CELSR1: variants seen among roughly 807,000 people sequenced by gnomAD.
CELSR1 encodes adhesion G protein-coupled receptor C1.
A neutral mutation model predicts 249.1 loss-of-function variants in CELSR1; 110 were observed. That is an observed-to-expected ratio of 0.44 (90% CI 0.38 to 0.52). The LOEUF (loss-of-function observed/expected upper bound fraction) is 0.52, where lower values mean the gene tolerates loss of function less well. CELSR1 is among the 20% of genes least tolerant of loss of function. The pLI is 0.00. For synonymous variants in CELSR1, 2,113 were observed against 1,900.0 expected, an observed-to-expected ratio of 1.11 and a Z score of -2.92; for missense variants, 4,109 against 4,296.4, an observed-to-expected ratio of 0.96 and a Z score of 1.22.
rs1367883600 is a variant in CELSR1 at position 46,490,084 on chromosome 22, C to G, written c.3545-25739G>C. Among the ~76,000 whole-genome samples, 2 of 152,174 alleles carry G rather than the reference C, an allele frequency of 1.3e-5. No homozygotes were observed. The highest frequency in any genetic ancestry group is 2.9e-5 in the Non-Finnish European group (2 of 68,042). ...AGGGCTGCACAGAGACCCAGTGAGC[C>G]GCTTTCTGAGAACCAACGTTCCCAA... On this transcript the variant is annotated intron_variant, in intron 1 of 34. Coordinates refer to ENST00000674500, the MANE Select transcript of CELSR1 (RefSeq NM_001378328.1). The surrounding 1 kb of genome is among the most constrained non-coding windows in gnomAD (Gnocchi z 5.2).
At chr22:46,443,968 G>A (rs1475995610) in intron 2 of CELSR1, among the ~76,000 whole-genome samples, 13 of 152,228 alleles carry the variant, frequency 8.5e-5, no homozygotes, top group East Asian at 1.9e-4. Context: ...CAAAGCCACC[G>A]GGAGAGGCTG....
rs572342122 is a variant in CELSR1, at chr22:46,415,147, G to T, written c.4612-3388C>A. Among the ~76,000 whole-genome samples, 37 of 152,218 alleles carry T rather than the reference G, an allele frequency of 2.4e-4. 1 individual carries two copies. In the South Asian group the frequency reaches 7.3e-3, roughly 30 times the overall value. On this transcript the variant is annotated intron_variant, in intron 5 of 34. Transcript: ENST00000674500. Reference sequence around the variant, plus strand: ...TGGGGGGTGACTGCTAATGGTATGGGGTGATGAAAATACTTCTTTTGAGAT... The same window carrying T: ...TGGGGGGTGACTGCTAATGGTATGGTGTGATGAAAATACTTCTTTTGAGAT...
chr22:46,420,991 C>T (rs777432054), intron 5 of CELSR1, among the ~76,000 whole-genome samples: 8 of 152,138 alleles, frequency 5.3e-5, no homozygotes, highest in Non-Finnish European at 1.2e-4. Flanking sequence ...AGCGGATACA[C>T]GGGTGGGTGA....
intron 29 of CELSR1, 111 bp from the exon 30 acceptor site, chr22:46,366,591 C>A: frequency 2.3e-6 from 2 of 877,868 alleles, no homozygotes; most frequent in South Asian, 3.1e-5. Context: ...CCTGGCTGGG[C>A]CCCTGCCTGG....
Position 46,535,095 on chromosome 22 carries a change from G to A in CELSR1, c.2076C>T (p.Tyr692=), listed in dbSNP as rs529594359. 9.3e-6 allele frequency: 15 copies of A among 1,612,192 alleles called. No homozygotes were observed. Among genetic ancestry groups the A allele is most frequent in the African/African-American group, 2.7e-5 (2 of 75,046 alleles). ...DNDPVFTQPT[Y]ELRLNEDAAV... ...CCGCATCCTCATTCAGACGAAGCTC[G>A]TAGGTGGGCTGCGTGAACACCGGGT... is the stretch of plus-strand genomic sequence containing the variant. Residue 692 remains tyrosine (Y), a synonymous_variant, in exon 1 of 35, where the codon TAC becomes TAT. Coordinates refer to ENST00000674500, the MANE Select transcript of CELSR1 (RefSeq NM_001378328.1).
chr22:46,399,230 C>A lies in CELSR1; in HGVS notation c.5412+487G>T, dbSNP rs535349362. Among the ~76,000 whole-genome samples, 63 of 152,302 alleles carry A rather than the reference C, an allele frequency of 4.1e-4. No homozygotes were observed. In the South Asian group the frequency reaches 0.011, roughly 26 times the overall value. On this transcript the variant is annotated intron_variant, in intron 10 of 34. Coordinates refer to ENST00000674500, the MANE Select transcript of CELSR1 (RefSeq NM_001378328.1). This position sits in a 1 kb window ranked among gnomAD's most constrained non-coding sequence, Gnocchi z 5.0. ...ACCTAGTTTGGTTAAGTGTTCCGAA[C>A]ATTGTCTGGGATACCACCACCTGCC...
rs1183097714 is a variant in CELSR1 at position 46,512,284 on chromosome 22, A to G, written c.3544+21343T>C. Among the ~76,000 whole-genome samples the G allele has an allele frequency of 2.0e-5, 3 of 151,860 alleles. No individual in the cohort carries two copies. The highest frequency in any genetic ancestry group is 7.3e-5 in the African/African-American group (3 of 41,120). On this transcript the variant is annotated intron_variant, in intron 1 of 34. Coordinates refer to ENST00000674500, the MANE Select transcript of CELSR1 (RefSeq NM_001378328.1). The surrounding 1 kb of genome is among the most constrained non-coding windows in gnomAD (Gnocchi z 5.2). ...GTGTCAGCCCCCAAATCAAGGTCCAATACTGGCCAGGTGCGGTGGCACATG... is the reference window on the plus strand; with the variant it reads ...GTGTCAGCCCCCAAATCAAGGTCCAGTACTGGCCAGGTGCGGTGGCACATG...
rs34550193 is a variant in CELSR1 at position 46,440,690 on chromosome 22, C to T, written c.4184-1279G>A. Among the ~76,000 whole-genome samples the T allele has an allele frequency of 0.067, 10,151 of 152,222 alleles. 442 individuals are homozygous for T. The highest frequency in any genetic ancestry group is 0.11 in the Middle Eastern group (33 of 294). Reference sequence around the variant, plus strand: ...TCCTGCTCTTATTGTGTTATAGAAGCTCCTCGTAAATTATGGAAGGAACTA... The same window carrying T: ...TCCTGCTCTTATTGTGTTATAGAAGTTCCTCGTAAATTATGGAAGGAACTA... On this transcript the variant is annotated intron_variant, in intron 2 of 34. Coordinates refer to ENST00000674500, the MANE Select transcript of CELSR1 (RefSeq NM_001378328.1). The surrounding 1 kb of genome is among the most constrained non-coding windows in gnomAD (Gnocchi z 4.7).
intron 5 of CELSR1, among the ~76,000 whole-genome samples, chr22:46,424,808 A>G: frequency 6.6e-6 from 1 of 152,228 alleles, no homozygotes; most frequent in East Asian, 1.9e-4. Context: ...CCCCTTCTCT[A>G]CTAAAAATAC....
In CELSR1 at chr22:46,500,602, C is replaced by A. The variant is rs1329771275; in HGVS notation, c.3544+33025G>T. Among the ~76,000 whole-genome samples, 2 of 152,198 alleles carry A rather than the reference C, an allele frequency of 1.3e-5. No homozygotes were observed. The highest frequency in any genetic ancestry group is 2.9e-5 in the Non-Finnish European group (2 of 68,034). ...TGTCACAGAAGAACAGAGGCCCGAG[C>A]TAGCCCACACCTGTGTTTTTTGATC... On this transcript the variant is annotated intron_variant, in intron 1 of 34. Transcript: ENST00000674500. This position sits in a 1 kb window ranked among gnomAD's most constrained non-coding sequence, Gnocchi z 4.9.
chr22:46,487,150 T>G (rs1394299016), intron 1 of CELSR1, among the ~76,000 whole-genome samples: 1 of 152,130 alleles, frequency 6.6e-6, no homozygotes, highest in Non-Finnish European at 1.5e-5. Context: ...ATGGAAGAGC[T>G]GACGCTAATA....
At position 46,447,481 on chromosome 22, in the gene CELSR1, C is replaced by T. The variant is rs182475780; in HGVS notation, c.4184-8070G>A. On this transcript the variant is annotated intron_variant, in intron 2 of 34. Coordinates refer to ENST00000674500, the MANE Select transcript of CELSR1 (RefSeq NM_001378328.1). This position sits in a 1 kb window ranked among gnomAD's most constrained non-coding sequence, Gnocchi z 4.7. ...GAAATTCACCCATACTCTGCACACC[C>T]CCATCACCATGGCAGCCTCGCCTCC... Among the ~76,000 whole-genome samples, 20 of 152,198 alleles carry T rather than the reference C, an allele frequency of 1.3e-4. No homozygotes were observed. The highest frequency in any genetic ancestry group is 3.3e-4 in the Admixed American group (5 of 15,294).
At chr22:46,516,377 T>C (rs1239972122) in intron 1 of CELSR1, among the ~76,000 whole-genome samples, 1 of 151,978 alleles carries the variant, frequency 6.6e-6, no homozygotes, top group Non-Finnish European at 1.5e-5. Flanking sequence ...AAACACCGCA[T>C]GTTCTCACTC....
Position 46,473,643 on chromosome 22 carries a change from C to G in CELSR1, c.3545-9298G>C, listed in dbSNP as rs1258341884. On this transcript the variant is annotated intron_variant, in intron 1 of 34. Coordinates refer to ENST00000674500, the MANE Select transcript of CELSR1 (RefSeq NM_001378328.1). The surrounding 1 kb of genome is among the most constrained non-coding windows in gnomAD (Gnocchi z 6.6). ...GTCATTCCCCGTGGCCGGCTGTGAT[C>G]ACATCCACAGAGCGTTGCTTGCTGT... Among the ~76,000 whole-genome samples, 1 of 152,184 alleles carries G rather than the reference C, an allele frequency of 6.6e-6. No individual in the cohort carries two copies. The highest frequency in any genetic ancestry group is 1.9e-4 in the East Asian group (1 of 5,184).
Position 46,363,879 on chromosome 22 carries a change from G to T in CELSR1, c.9035+117C>A. ...CCCCATCCCCGCCTGGGCTTCCTCT[G>T]CACTCAGGGCTCCAGGTGAGGTGGG... On this transcript the variant is annotated intron_variant, in intron 34 of 34. Transcript: ENST00000674500. This position sits in a 1 kb window ranked among gnomAD's most constrained non-coding sequence, Gnocchi z 4.3. 1.5e-6 allele frequency: 2 copies of T among 1,347,128 alleles called. No homozygotes were observed. The highest frequency in any genetic ancestry group is 2.0e-6 in the Non-Finnish European group (2 of 1,020,954). The allele number at this position is 1,347,128 out of a possible 1,614,324, so 83.4% of individuals were successfully genotyped here. A position where few individuals can be genotyped will look rare whatever the true frequency, so the allele number is the denominator to read the frequency against.
At chr22:46,481,610 C>T (rs1315390089) in intron 1 of CELSR1, 3 of 714,654 alleles carry the variant, frequency 4.2e-6, no homozygotes, top group Non-Finnish European at 7.6e-6. Flanking sequence ...TCCGTGGAGG[C>T]CTGACTGTCC....
At position 46,382,019 on chromosome 22, in the gene CELSR1, C is replaced by G; in HGVS notation, c.6915G>C (p.Arg2305Ser). The change falls in exon 21 of 35, where the codon AGG (arginine) becomes AGC (serine). Residue 2305 changes from arginine to serine, a missense_variant. Arg to Ser is a moderately radical substitution (Grantham distance 110). Around this residue, in one of 7 missense-constraint regions of CELSR1, gnomAD observed 1,805 missense variants for 1,831.6 expected, o/e 0.99. Coordinates refer to ENST00000674500, the MANE Select transcript of CELSR1 (RefSeq NM_001378328.1). ...CCGGGCGCGTGGTCTGCGGGGTGGT[C>G]CTCCGGCCAGCCGGCCTCAGCAGGG... ...EGPLLRPAGR[R>S]TTPQTTRPGP... The G allele has an allele frequency of 6.4e-7, 1 of 1,554,448 alleles. No homozygotes were observed. The highest frequency in any genetic ancestry group is 8.7e-7 in the Non-Finnish European group (1 of 1,150,528).
rs1186138299 is a variant in CELSR1, at chr22:46,440,203, T to C, written c.4184-792A>G. 6.6e-6 allele frequency among the ~76,000 whole-genome samples: 1 copy of C among 152,106 alleles called. No homozygotes were observed. The highest frequency in any genetic ancestry group is 1.5e-5 in the Non-Finnish European group (1 of 68,014). On this transcript the variant is annotated intron_variant, in intron 2 of 34. Transcript: ENST00000674500. The surrounding 1 kb of genome is among the most constrained non-coding windows in gnomAD (Gnocchi z 4.7). ...ACCTCATCTGCTCGGAGGGTCTCAG[T>C]GTTCGCCATGCTTCGACCCAGTTGT...
chr22:46,404,017 G>C (rs1277859146), intron 9 of CELSR1, among the ~76,000 whole-genome samples: 5 of 145,556 alleles, frequency 3.4e-5, no homozygotes, highest in African/African-American at 1.0e-4. Flanking sequence ...AAACTGACTA[G>C]ATCTGGGCTG....
Sources: allele counts gnomAD v4.1 joint callset (sites outside exome capture counted in the v4.1 genomes callset), GRCh38; gene constraint gnomAD v4.1.1; regional missense constraint gnomAD v4.1.1; non-coding constraint Gnocchi (gnomAD v3.1); transcripts MANE v1.5; gene names NCBI Gene and HGNC (gene_info 2026-07-23, HGNC 2026-07-21).